Variants in EMB observed in about 807,000 individuals in gnomAD.
EMB encodes the protein embigin homolog.
EMB carries 31 observed loss-of-function variants against 41.4 expected under a neutral mutation model. The ratio of observed to expected loss-of-function variants is 0.75; its 90% CI spans 0.56 to 1.01. The LOEUF (loss-of-function observed/expected upper bound fraction) is 1.01. EMB is among the 50% of genes least tolerant of loss of function. The probability of loss-of-function intolerance (pLI) is 0.00; values close to 1 mark genes in which losing one functional copy is unlikely to be tolerated. For synonymous variants in EMB, 137 were observed against 140.4 expected, an observed-to-expected ratio of 0.98 and a Z score of 0.17; for missense variants, 379 against 388.3, an observed-to-expected ratio of 0.98 and a Z score of 0.20.
At chr5:50,441,009 C>T in intron 1 of EMB, 31 bp downstream of exon 1, 1 of 1,302,044 alleles carries the variant, frequency 7.7e-7, no homozygotes, top group Non-Finnish European at 9.9e-7. Flanking sequence ...GCCCTCCGCC[C>T]TCCCTACCCT....
At chr5:50,436,103 C>T (rs1403298650) in intron 1 of EMB, among the ~76,000 whole-genome samples, 8 of 152,166 alleles carry the variant, frequency 5.3e-5, no homozygotes, top group Non-Finnish European at 1.0e-4. Context: ...CTCATCACTA[C>T]TGGAAATCAC....
At chr5:50,411,017 AAAATG>A (rs2111794186) in intron 3 of EMB, 52 bp from the exon 4 acceptor site, 2 of 1,383,748 alleles carry the variant, frequency 1.4e-6, no homozygotes, top group East Asian at 4.8e-5. Flanking sequence ...AACCTTAATG[AAAATG>A]AAAAGACTTA....
chr5:50,412,656 T>C (rs1314378467), intron 2 of EMB, among the ~76,000 whole-genome samples: 1 of 133,750 alleles, frequency 7.5e-6, no homozygotes, highest in African/African-American at 2.7e-5. Flanking sequence ...GCTACATGTT[T>C]TGGTAACTTT....
chr5:50,402,228 T>G (rs1460541956), intron 7 of EMB, 58 bp downstream of exon 7: 1 of 1,530,876 alleles, frequency 6.5e-7, no homozygotes, highest in East Asian at 2.3e-5. Context: ...TTCATTCAAT[T>G]TTATGTTTCC....
chr5:50,428,588 G>A (rs947768923), intron 1 of EMB: 3 of 990,976 alleles, frequency 3.0e-6, no homozygotes, highest in East Asian at 1.1e-4. Context: ...GATATGAAGA[G>A]GCAGAGAGAG....
chr5:50,414,689 G>A (rs988431419), intron 2 of EMB, among the ~76,000 whole-genome samples: 1 of 152,102 alleles, frequency 6.6e-6, no homozygotes, highest in African/African-American at 2.4e-5. Context: ...ATAACTGCTT[G>A]TAAAATTGCA....
intron 1 of EMB, chr5:50,428,656 A>G: frequency 6.1e-6 from 6 of 985,942 alleles, no homozygotes; most frequent in Non-Finnish European, 7.2e-6. Context: ...AAAAAAATAG[A>G]TAGCACTGGG....
At chr5:50,411,506 G>T in intron 2 of EMB, 123 bp from the exon 3 acceptor site, 1 of 665,478 alleles carries the variant, frequency 1.5e-6, no homozygotes, top group East Asian at 3.0e-5. Flanking sequence ...TTCATTTGAA[G>T]AATTATTCCT....
chr5:50,406,202 A>T (rs1745246208), intron 4 of EMB, among the ~76,000 whole-genome samples: 2 of 151,164 alleles, frequency 1.3e-5, no homozygotes, highest in Admixed American at 1.3e-4. Flanking sequence ...GTTACCTTAG[A>T]GTAATTATTT....
intron 1 of EMB, chr5:50,428,841 C>T (rs1295355953): frequency 4.8e-6 from 2 of 413,724 alleles, no homozygotes; most frequent in Non-Finnish European, 6.5e-6. Context: ...TTTCTATTTC[C>T]ACCTCTCTCA....
intron 2 of EMB, among the ~76,000 whole-genome samples, chr5:50,422,575 C>A (rs1745542318): frequency 6.6e-6 from 1 of 152,020 alleles, no homozygotes; most frequent in African/African-American, 2.4e-5. Context: ...AAAATAATAA[C>A]CATAAAATTA....
At chr5:50,430,608 TGA>T (rs1745704937) in intron 1 of EMB, among the ~76,000 whole-genome samples, 1 of 152,124 alleles carries the variant, frequency 6.6e-6, no homozygotes, top group Admixed American at 6.5e-5. Context: ...AATTTGAGAT[TGA>T]GAGTCATTAA....
At chr5:50,438,739 T>G (rs1422247070) in intron 1 of EMB, among the ~76,000 whole-genome samples, 8 of 152,220 alleles carry the variant, frequency 5.3e-5, no homozygotes, top group Non-Finnish European at 1.0e-4. Context: ...TGGCTTAAAT[T>G]CGATGCTAAC....
chr5:50,418,781 T>C (rs1435352918), intron 2 of EMB, among the ~76,000 whole-genome samples: 1 of 152,208 alleles, frequency 6.6e-6, no homozygotes, highest in Non-Finnish European at 1.5e-5. Context: ...TTGCCAGAAC[T>C]TGATTTCCAG....
intron 1 of EMB, among the ~76,000 whole-genome samples, chr5:50,435,754 C>G (rs1482819889): frequency 6.6e-6 from 1 of 152,108 alleles, no homozygotes; most frequent in Non-Finnish European, 1.5e-5. Context: ...ACTTTGTACC[C>G]CATCAAAGTT....
intron 1 of EMB, among the ~76,000 whole-genome samples, chr5:50,432,572 T>G (rs1192353453): frequency 6.6e-6 from 1 of 152,024 alleles, no homozygotes; most frequent in Non-Finnish European, 1.5e-5. Context: ...TTAAAATACC[T>G]AATTACTAAG....
intron 5 of EMB, among the ~76,000 whole-genome samples, chr5:50,405,088 G>A (rs922401087): frequency 6.6e-6 from 1 of 151,790 alleles, no homozygotes; most frequent in Admixed American, 6.6e-5. Flanking sequence ...GGCTATTTGG[G>A]GAGAAGAAAG....
intron 1 of EMB, among the ~76,000 whole-genome samples, chr5:50,433,559 G>C (rs1359958767): frequency 6.6e-6 from 1 of 152,140 alleles, no homozygotes; most frequent in South Asian, 2.1e-4. Flanking sequence ...TAGTCTATTC[G>C]ATAAGAGTTG....
chr5:50,433,693 A>G (rs1211845284), intron 1 of EMB, among the ~76,000 whole-genome samples: 9 of 152,210 alleles, frequency 5.9e-5, no homozygotes, highest in East Asian at 1.9e-4. Context: ...AGTAGGTTAT[A>G]TAAGTTTTCA....
Sources: gnomAD v4.1 joint callset for allele counts (sites outside exome capture counted in the v4.1 genomes callset) on GRCh38, gnomAD v4.1.1 for gene constraint, MANE v1.5 for transcripts, NCBI Gene and HGNC (gene_info 2026-07-23, HGNC 2026-07-21) for gene names.